Variants in UGT1A8 observed in about 807,000 individuals in gnomAD.
The protein encoded by UGT1A8 is UDP-glucuronosyltransferase 1A8.
Under a neutral mutation model 45.3 loss-of-function variants are expected in UGT1A8, and 39 were observed. That is an observed-to-expected ratio of 0.86 (90% CI 0.67 to 1.12). UGT1A8 has a LOEUF of 1.12. Ranked by LOEUF, UGT1A8 falls within the 50% of genes most tolerant of loss-of-function variation. UGT1A8 has a pLI of 0.00. For missense variants in UGT1A8, 719 were observed against 664.9 expected (o/e 1.08, Z -0.90); for synonymous variants, 275 against 249.2 (o/e 1.10, Z -0.97).
At chr2:233,703,677 A>AT (rs1271383463) in intron 1 of UGT1A8, among the ~76,000 whole-genome samples, 3 of 151,838 alleles carry the variant, frequency 2.0e-5, no homozygotes, top group Non-Finnish European at 4.4e-5. Flanking sequence ...TTCATGATAT[A>AT]TTTTTTTTCC....
chr2:233,710,222 T>A (rs1194275702), intron 1 of UGT1A8, among the ~76,000 whole-genome samples: 1 of 152,250 alleles, frequency 6.6e-6, no homozygotes. Flanking sequence ...TGAATAAAGC[T>A]GCTATGACTA....
intron 1 of UGT1A8, among the ~76,000 whole-genome samples, chr2:233,696,390 C>T (rs529082756): frequency 2.6e-5 from 4 of 152,010 alleles, no homozygotes; most frequent in African/African-American, 7.2e-5. Context: ...ATTCTTTGTA[C>T]GTTTTGTAAA....
At chr2:233,701,311 G>A (rs2075622392) in intron 1 of UGT1A8, among the ~76,000 whole-genome samples, 1 of 152,048 alleles carries the variant, frequency 6.6e-6, no homozygotes, top group African/African-American at 2.4e-5. Context: ...TTCCACAATG[G>A]TTGAACTAGT....
At chr2:233,753,560 A>T (rs949425107) in intron 1 of UGT1A8, 1 of 152,242 alleles carries the variant, frequency 6.6e-6, no homozygotes, top group African/African-American at 2.4e-5. Flanking sequence ...TGACCCTAGA[A>T]GATGGGACCC....
intron 1 of UGT1A8, chr2:233,729,369 C>T (rs552638090): frequency 1.4e-5 from 23 of 1,613,926 alleles, no homozygotes; most frequent in Non-Finnish European, 1.8e-5. Flanking sequence ...CAACCTATGC[C>T]ATTTCGTGGA....
chr2:233,672,031 A>G (rs2074207726), intron 1 of UGT1A8: 3 of 1,614,030 alleles, frequency 1.9e-6, no homozygotes, highest in African/African-American at 1.3e-5. Context: ...GGTAGTGCCC[A>G]TGGATGGGAG....
intron 1 of UGT1A8, chr2:233,719,682 T>A: frequency 6.2e-7 from 1 of 1,614,086 alleles, no homozygotes; most frequent in South Asian, 1.1e-5. Flanking sequence ...GAAGCCACTA[T>A]CTCAGGTCTG....
At chr2:233,660,528 T>C (rs1224607087) in intron 1 of UGT1A8, among the ~76,000 whole-genome samples, 3 of 152,232 alleles carry the variant, frequency 2.0e-5, no homozygotes, top group African/African-American at 7.2e-5. Flanking sequence ...AAAGTGTTTC[T>C]GTTGTACTGG....
intron 1 of UGT1A8, among the ~76,000 whole-genome samples, chr2:233,676,585 T>C (rs2074365704): frequency 6.6e-6 from 1 of 152,214 alleles, no homozygotes. Context: ...ACCTGAAATG[T>C]AGTCATCATG....
intron 1 of UGT1A8, chr2:233,693,893 C>A (rs756262106): frequency 6.2e-7 from 1 of 1,613,750 alleles, no homozygotes; most frequent in Non-Finnish European, 8.5e-7. Flanking sequence ...TTTTGGACTG[C>A]CTTGTTTCTT....
intron 1 of UGT1A8, chr2:233,672,842 A>G: frequency 2.6e-6 from 4 of 1,554,318 alleles, no homozygotes; most frequent in Non-Finnish European, 3.5e-6. Flanking sequence ...TGGAAATTAA[A>G]AAAGGATTCT....
chr2:233,769,855 C>G lies in UGT1A8; in HGVS notation c.1295+1416C>G. On this transcript the variant is annotated intron_variant, in intron 4 of 4. Transcript: ENST00000373450. The surrounding 1 kb of genome is among the most constrained non-coding windows in gnomAD (Gnocchi z 4.4). ...CCTGGGCAACAGAGTGAGACCCTGT[C>G]TCAAAAAAAAAAAAAAAAATGAAAA... is the stretch of plus-strand genomic sequence containing the variant. The G allele has an allele frequency of 2.7e-6, 1 of 372,080 alleles. No individual in the cohort carries two copies. The highest frequency in any genetic ancestry group is 7.2e-5 in the South Asian group (1 of 13,958). 23.0% of individuals were successfully genotyped at this position (372,080 alleles called of 1,614,324 possible).
At chr2:233,673,243 C>T (rs373248722) in intron 1 of UGT1A8, among the ~76,000 whole-genome samples, 25 of 152,174 alleles carry the variant, frequency 1.6e-4, no homozygotes, top group African/African-American at 6.0e-4. Flanking sequence ...TGGACATATT[C>T]TTCTTTTCTT....
At chr2:233,640,363 G>A (rs891075598) in intron 1 of UGT1A8, among the ~76,000 whole-genome samples, 1 of 151,700 alleles carries the variant, frequency 6.6e-6, no homozygotes, top group African/African-American at 2.4e-5. Context: ...GAAATTCTTG[G>A]CTTGTCATTC....
intron 1 of UGT1A8, chr2:233,717,746 TC>T: frequency 2.2e-6 from 1 of 456,424 alleles, no homozygotes; most frequent in South Asian, 1.5e-5. Flanking sequence ...GCTCAGGGTC[TC>T]CCCCTAGAAA....
chr2:233,736,583 G>C (rs1481937914), intron 1 of UGT1A8, among the ~76,000 whole-genome samples: 3 of 152,232 alleles, frequency 2.0e-5, no homozygotes, highest in Non-Finnish European at 4.4e-5. Context: ...CTTTGGAGGA[G>C]ATGTGCTTAT....
intron 1 of UGT1A8, among the ~76,000 whole-genome samples, chr2:233,685,909 A>G (rs1003561051): frequency 2.0e-5 from 3 of 152,226 alleles, no homozygotes; most frequent in Admixed American, 6.5e-5. Flanking sequence ...TTTTCAATCC[A>G]TCATTAAATT....
chr2:233,639,820 G>A (rs2073402690), intron 1 of UGT1A8, among the ~76,000 whole-genome samples: 1 of 152,144 alleles, frequency 6.6e-6, no homozygotes, highest in African/African-American at 2.4e-5. Flanking sequence ...CAATTGGTAT[G>A]GTCATTCTTT....
At chr2:233,645,146 C>T (rs983267962) in intron 1 of UGT1A8, among the ~76,000 whole-genome samples, 2 of 152,132 alleles carry the variant, frequency 1.3e-5, no homozygotes, top group Non-Finnish European at 2.9e-5. Context: ...GACAAAGCAT[C>T]GATGAAAGCA....
Sources: allele counts gnomAD v4.1 joint callset (sites outside exome capture counted in the v4.1 genomes callset), GRCh38; gene constraint gnomAD v4.1.1; non-coding constraint Gnocchi (gnomAD v3.1); transcripts MANE v1.5; gene names NCBI Gene and HGNC (gene_info 2026-07-23, HGNC 2026-07-21).